The following NR4A1 variants were observed in gnomAD, a reference collection of about 807,000 sequenced individuals.
NR4A1 encodes the protein nuclear receptor subfamily 4 group A member 1.
In NR4A1, 24 loss-of-function variants were observed where a neutral mutation model predicts 47.5. The observed-to-expected ratio is 0.50, with a 90% CI of 0.37 to 0.71. The LOEUF (loss-of-function observed/expected upper bound fraction) is 0.71, where lower values mean the gene tolerates loss of function less well. Among genes scored for constraint, NR4A1 ranks in the 30% least tolerant of loss-of-function variants. The pLI is 0.00. For missense variants in NR4A1, 669 were observed against 788.6 expected (o/e 0.85, Z 1.82); for synonymous variants, 353 against 345.7 (o/e 1.02, Z -0.24).
chr12:52,052,905 G>T (rs568172537), intron 1 of NR4A1, among the ~76,000 whole-genome samples: 5 of 152,294 alleles, frequency 3.3e-5, no homozygotes, highest in South Asian at 4.1e-4. Flanking sequence ...TGGGTGTGTG[G>T]GGCCTGAGCT....
At chr12:52,038,684 C>T (rs755704253) in intron 1 of NR4A1, 2 of 762,904 alleles carry the variant, frequency 2.6e-6, no homozygotes, top group Admixed American at 1.7e-5. Flanking sequence ...CAGCTGACTC[C>T]GTGTAGTCAT....
chr12:52,047,054 C>CTT (rs56807947), upstream of NR4A1, among the ~76,000 whole-genome samples: 19,589 of 152,030 alleles, frequency 0.13, 1,446 homozygotes, highest in African/African-American at 0.2. Flanking sequence ...GGGGCTGTCT[C>CTT]GTCTCCATCG....
chr12:52,050,686 G>A (rs1938876660), upstream of NR4A1, among the ~76,000 whole-genome samples: 1 of 152,220 alleles, frequency 6.6e-6, no homozygotes, highest in Non-Finnish European at 1.5e-5. Flanking sequence ...GTCCTGTGTA[G>A]GGAGACTGCC....
At chr12:52,056,187 G>T in intron 3 of NR4A1, 28 bp downstream of exon 3, 1 of 1,572,856 alleles carries the variant, frequency 6.4e-7, no homozygotes. Context: ...GGCCCAGCGG[G>T]GCAAGGGTAG....
intron 4 of NR4A1, 194 bp from the exon 5 acceptor site, chr12:52,056,863 A>G: frequency 1.3e-6 from 1 of 793,616 alleles, no homozygotes; most frequent in Non-Finnish European, 1.9e-6. Flanking sequence ...GCAGGTGGCC[A>G]ATTAGAAAAA....
At chr12:52,023,462 C>A (rs1008526335) in intron 1 of NR4A1, among the ~76,000 whole-genome samples, 3 of 152,166 alleles carry the variant, frequency 2.0e-5, no homozygotes, top group African/African-American at 7.2e-5. Context: ...GAGTGAGTAA[C>A]CGCCTCCCGA....
chr12:52,040,949 T>A (rs1223933221), intron 1 of NR4A1, among the ~76,000 whole-genome samples: 1 of 151,646 alleles, frequency 6.6e-6, no homozygotes, highest in African/African-American at 2.4e-5. Context: ...AGGGGAGATG[T>A]GGGTCAAGGT....
intron 1 of NR4A1, chr12:52,037,241 GGGCGCTGAGCGGCTGC>G: frequency 2.5e-6 from 1 of 406,708 alleles, no homozygotes; most frequent in Non-Finnish European, 3.3e-6. Flanking sequence ...CGGGGGCGGG[GGGCGCTGAGCGGCTGC>G]GGCGCGGCTG....
At chr12:52,036,533 G>C (rs1285716096) in intron 1 of NR4A1, among the ~76,000 whole-genome samples, 1 of 152,236 alleles carries the variant, frequency 6.6e-6, no homozygotes, top group Non-Finnish European at 1.5e-5. Context: ...AGGAGGTCAA[G>C]TGACTGTCCT....
chr12:52,038,894 A>G, intron 1 of NR4A1: 1 of 629,118 alleles, frequency 1.6e-6, no homozygotes, highest in Non-Finnish European at 2.9e-6. Context: ...CCAGGCCCTT[A>G]GCTTCTGCCC....
chr12:52,048,575 C>A (rs1028322907), upstream of NR4A1, among the ~76,000 whole-genome samples: 1 of 152,148 alleles, frequency 6.6e-6, no homozygotes, highest in African/African-American at 2.4e-5. Flanking sequence ...GCCTGGGTGA[C>A]AGAGCGAGAC....
chr12:52,038,674 C>T (rs749908093), intron 1 of NR4A1: 1 of 760,424 alleles, frequency 1.3e-6, no homozygotes. Context: ...AAAAGGAAGT[C>T]AGCTGACTCC....
rs1939298220 is a variant in NR4A1, at chr12:52,056,850, C to T, written c.1158+205C>T. 7.5e-6 allele frequency: 6 copies of T among 802,668 alleles called. No homozygotes were observed. The South Asian group carries it at 9.3e-5, about 12-fold the overall frequency. The allele number at this position is 802,668 out of a possible 1,614,324, so 49.7% of individuals were successfully genotyped here. On this transcript the variant is annotated intron_variant, in intron 4 of 6. Coordinates refer to ENST00000394825, the MANE Select transcript of NR4A1 (RefSeq NM_173157.3). ...GACCAGATGGGAAAATGCACCCCCT[C>T]AGGCAGGTGGCCAATTAGAAAAATA...
chr12:52,035,776 A>C (rs949286427), intron 1 of NR4A1, among the ~76,000 whole-genome samples: 3 of 152,020 alleles, frequency 2.0e-5, no homozygotes, highest in African/African-American at 7.3e-5. Flanking sequence ...TTGCGCCAAG[A>C]GTTTAGGATT....
chr12:52,043,691 CAG>C, intron 2 of NR4A1: 2 of 1,236,944 alleles, frequency 1.6e-6, no homozygotes, highest in Non-Finnish European at 2.1e-6. Flanking sequence ...GCTATATAAA[CAG>C]AGGAGGACAC....
chr12:52,038,695 C>T lies in NR4A1; in HGVS notation c.-83-3115C>T, dbSNP rs778801231. 12 of 763,886 alleles carry T rather than the reference C, an allele frequency of 1.6e-5. No homozygotes were observed. The African/African-American group carries it at 2.0e-4, about 13-fold the overall frequency. 47.3% of individuals were successfully genotyped at this position (763,886 alleles called of 1,614,324 possible). Reference sequence around the variant, plus strand: ...AAGTCAGCTGACTCCGTGTAGTCATCCAGAGCTGTGAGGAATGACAAGTGC... The same window carrying T: ...AAGTCAGCTGACTCCGTGTAGTCATTCAGAGCTGTGAGGAATGACAAGTGC... On this transcript the variant is annotated intron_variant, in intron 1 of 7. Coordinates refer to the NR4A1 transcript ENST00000360284.
At position 52,055,173 on chromosome 12, in the gene NR4A1, G is replaced by A. The variant is rs1321725750; in HGVS notation, c.845G>A (p.Arg282His). ...GCTTCATGCCAGCATTATGGTGTCC[G>A]CACATGTGAGGGCTGCAAGGGCTTC... ...DNASCQHYGV[R>H]TCEGCKGFFK... is the part of the protein sequence containing the mutation. The change falls in exon 2 of 7, where the codon CGC becomes CAC. Residue 282 changes from arginine to histidine, a missense_variant. Arg to His is a conservative substitution (Grantham distance 29). Coordinates refer to ENST00000394825, the MANE Select transcript of NR4A1 (RefSeq NM_173157.3). 1.9e-6 allele frequency: 3 copies of A among 1,613,564 alleles called. No homozygotes were observed. The highest frequency in any genetic ancestry group is 1.7e-5 in the Admixed American group (1 of 60,036).
intron 2 of NR4A1, chr12:52,045,591 T>A: frequency 2.2e-6 from 1 of 446,452 alleles, no homozygotes; most frequent in Non-Finnish European, 4.5e-6. Flanking sequence ...TGGTGATGTC[T>A]GCATTAGGCA....
intron 1 of NR4A1, chr12:52,041,661 C>A: frequency 1.1e-6 from 1 of 875,266 alleles, no homozygotes; most frequent in Non-Finnish European, 1.5e-6. Flanking sequence ...AATGCCTAAC[C>A]CGGGGAGGTC....
Sources: allele counts gnomAD v4.1 joint callset (sites outside exome capture counted in the v4.1 genomes callset), GRCh38; gene constraint gnomAD v4.1.1; transcripts MANE v1.5; gene names NCBI Gene and HGNC (gene_info 2026-07-23, HGNC 2026-07-21).